The following USH2A variants were observed in gnomAD, a reference collection of about 807,000 sequenced individuals.
USH2A encodes usherin, also known as Usher syndrome 2A (autosomal recessive, mild).
A neutral mutation model predicts 538.9 loss-of-function variants in USH2A; 443 were observed. That is an observed-to-expected ratio of 0.82 (90% CI 0.76 to 0.89). The LOEUF is 0.89. Ranked by LOEUF, USH2A falls within the 40% of genes least tolerant of loss-of-function variation. USH2A has a pLI of 0.00. For missense variants in USH2A, 6,633 were observed against 6,324.8 expected, an observed-to-expected ratio of 1.05 and a Z score of -1.65; for synonymous variants, 2,413 against 2,273.5, an observed-to-expected ratio of 1.06 and a Z score of -1.75.
chr1:216,266,805 A>G (rs1329212865), intron 11 of USH2A, among the ~76,000 whole-genome samples: 2 of 152,102 alleles, frequency 1.3e-5, no homozygotes, highest in Non-Finnish European at 2.9e-5. Flanking sequence ...AACTAAATAG[A>G]CAAGCAAAGG....
At chr1:215,791,349 C>T (rs1661976198) in intron 50 of USH2A, among the ~76,000 whole-genome samples, 1 of 151,954 alleles carries the variant, frequency 6.6e-6, no homozygotes, top group Non-Finnish European at 1.5e-5. Context: ...TTCAAAGTGC[C>T]CTGGGGTCCT....
At chr1:216,084,085 A>G (rs2032038590) in intron 25 of USH2A, among the ~76,000 whole-genome samples, 1 of 152,096 alleles carries the variant, frequency 6.6e-6, no homozygotes, top group South Asian at 2.1e-4. Flanking sequence ...CCAAGCCACC[A>G]TCATCCCTCT....
chr1:216,413,382 C>T (rs1326179528), intron 3 of USH2A, among the ~76,000 whole-genome samples: 1 of 152,004 alleles, frequency 6.6e-6, no homozygotes, highest in African/African-American at 2.4e-5. Context: ...TATGTTCCCT[C>T]AATCAATAGG....
At chr1:216,291,970 T>C (rs1376515736) in intron 10 of USH2A, among the ~76,000 whole-genome samples, 3 of 152,230 alleles carry the variant, frequency 2.0e-5, no homozygotes, top group Non-Finnish European at 2.9e-5. Context: ...TGAAAAGATA[T>C]AGTTTAAGAC....
intron 13 of USH2A, among the ~76,000 whole-genome samples, chr1:216,237,570 A>G (rs1189267818): frequency 6.6e-6 from 1 of 151,856 alleles, no homozygotes; most frequent in East Asian, 1.9e-4. Flanking sequence ...AGTCAGATGG[A>G]CCTGGACTTA....
At chr1:215,673,791 C>T (rs140524216) in intron 63 of USH2A, among the ~76,000 whole-genome samples, 1 of 152,248 alleles carries the variant, frequency 6.6e-6, no homozygotes, top group South Asian at 2.1e-4. Context: ...TGTCCAGGGG[C>T]CTGCGTATTT....
At chr1:216,130,559 A>G (rs1459518044) in intron 21 of USH2A, among the ~76,000 whole-genome samples, 2 of 145,990 alleles carry the variant, frequency 1.4e-5, no homozygotes, top group Non-Finnish European at 3.0e-5. Context: ...ATTTATATAT[A>G]TTATATATAA....
chr1:215,763,085 G>C (rs546009529), intron 56 of USH2A, among the ~76,000 whole-genome samples: 15 of 152,096 alleles, frequency 9.9e-5, no homozygotes, highest in Non-Finnish European at 1.6e-4. Context: ...CTGATGTCAG[G>C]GATGCACTGA....
intron 15 of USH2A, among the ~76,000 whole-genome samples, chr1:216,213,017 A>G (rs952884729): frequency 2.6e-5 from 4 of 152,126 alleles, no homozygotes; most frequent in Non-Finnish European, 5.9e-5. Context: ...GCATAGAAAT[A>G]ACATTGCGCA....
chr1:216,297,792 C>T (rs1295809493), intron 9 of USH2A, among the ~76,000 whole-genome samples: 1 of 152,152 alleles, frequency 6.6e-6, no homozygotes, highest in Non-Finnish European at 1.5e-5. Flanking sequence ...GTTATAACTA[C>T]AGAGGAGGTC....
rs116426471 is a variant in USH2A at position 215,830,921 on chromosome 1, G to C, written c.9371+7070C>G. On this transcript the variant is annotated intron_variant, in intron 47 of 71. Transcript: ENST00000307340. ...TCTGAAGCTAACCAGTTGGTAACCT[G>C]CTGAAAAAAGTAAATAAGAACTCTA... 5.5e-3 allele frequency among the ~76,000 whole-genome samples: 831 copies of C among 152,224 alleles called. 6 individuals carry two copies. The highest frequency in any genetic ancestry group is 0.019 in the African/African-American group (770 of 41,536).
intron 7 of USH2A, 81 bp downstream of exon 7, chr1:216,324,087 A>AC: frequency 6.7e-7 from 1 of 1,486,838 alleles, no homozygotes; most frequent in Non-Finnish European, 9.1e-7. Context: ...GGAAGTCTCC[A>AC]CCAGCCTAGA....
intron 44 of USH2A, among the ~76,000 whole-genome samples, chr1:215,859,182 G>C (rs1215674629): frequency 6.6e-6 from 1 of 152,056 alleles, no homozygotes; most frequent in Non-Finnish European, 1.5e-5. Context: ...AATAACACAG[G>C]TGTGAACTGC....
At position 216,097,748 on chromosome 1, in the gene USH2A, C is replaced by T. The variant is rs114745353; in HGVS notation, c.4628-535G>A. ...TCAGAATTTTGGGATCTTTACTGAC[C>T]CTTCAGAGCACATACTAGCCCTGCA... On this transcript the variant is annotated intron_variant, in intron 21 of 71. Coordinates refer to ENST00000307340, the MANE Select transcript of USH2A (RefSeq NM_206933.4). 5.1e-3 allele frequency among the ~76,000 whole-genome samples: 780 copies of T among 152,274 alleles called. 10 individuals carry two copies. The highest frequency in any genetic ancestry group is 0.01 in the Middle Eastern group (3 of 294).
At chr1:216,271,954 T>C (rs2102582150) in intron 11 of USH2A, among the ~76,000 whole-genome samples, 1 of 152,294 alleles carries the variant, frequency 6.6e-6, no homozygotes, top group South Asian at 2.1e-4. Flanking sequence ...TCATATGGAA[T>C]ATTCTAATGG....
intron 16 of USH2A, among the ~76,000 whole-genome samples, chr1:216,201,057 C>CTTCT (rs2034987727): frequency 7.2e-6 from 1 of 139,796 alleles, no homozygotes; most frequent in Non-Finnish European, 1.5e-5. Flanking sequence ...TCCTTCCTTC[C>CTTCT]GACAGGAGAT....
At chr1:216,285,268 G>A (rs1486257930) in intron 11 of USH2A, among the ~76,000 whole-genome samples, 1 of 152,174 alleles carries the variant, frequency 6.6e-6, no homozygotes, top group East Asian at 1.9e-4. Flanking sequence ...TAGGGACTTG[G>A]TGCCGTGTCC....
chr1:216,304,013 G>C (rs2037267306), intron 9 of USH2A, among the ~76,000 whole-genome samples: 2 of 151,764 alleles, frequency 1.3e-5, no homozygotes, highest in Admixed American at 1.3e-4. Flanking sequence ...ATTTACATAG[G>C]TGATACATTC....
At chr1:216,177,905 C>T (rs903660089) in intron 20 of USH2A, among the ~76,000 whole-genome samples, 1 of 152,020 alleles carries the variant, frequency 6.6e-6, no homozygotes, top group Admixed American at 6.6e-5. Context: ...ATCACCGAGC[C>T]TATTTATTAA....
Sources: allele counts gnomAD v4.1 joint callset (sites outside exome capture counted in the v4.1 genomes callset), GRCh38; gene constraint gnomAD v4.1.1; transcripts MANE v1.5; gene names NCBI Gene and HGNC (gene_info 2026-07-23, HGNC 2026-07-21).